The following BTBD9 variants were observed in gnomAD, a reference collection of about 807,000 sequenced individuals.
BTBD9 encodes BTB domain containing 9.
BTBD9 carries 49 observed loss-of-function variants against 64.3 expected under a neutral mutation model. That is an observed-to-expected ratio of 0.76 (90% CI 0.61 to 0.97). The LOEUF is 0.97. BTBD9 is among the 50% of genes least tolerant of loss of function. BTBD9 has a pLI of 0.00. For missense variants in BTBD9, 598 were observed against 762.1 expected (o/e 0.78, Z 2.53); for synonymous variants, 260 against 274.7 (o/e 0.95, Z 0.53).
chr6:38,441,614 ATT>A (rs1311233767), intron 6 of BTBD9, among the ~76,000 whole-genome samples: 1 of 151,910 alleles, frequency 6.6e-6, no homozygotes, highest in East Asian at 1.9e-4. Flanking sequence ...AACAGATCTC[ATT>A]TTGTTGCTCA....
At chr6:38,545,997 T>C (rs1241815886) in intron 6 of BTBD9, among the ~76,000 whole-genome samples, 1 of 151,768 alleles carries the variant, frequency 6.6e-6, no homozygotes, top group African/African-American at 2.4e-5. Flanking sequence ...GAGAAGGTGA[T>C]GGCTTGCATC....
At chr6:38,359,012 C>G (rs1020858978) in intron 6 of BTBD9, among the ~76,000 whole-genome samples, 1 of 151,694 alleles carries the variant, frequency 6.6e-6, no homozygotes, top group African/African-American at 2.4e-5. Flanking sequence ...ACCTCATGAT[C>G]CACCCGCCTC....
intron 10 of BTBD9, among the ~76,000 whole-genome samples, chr6:38,186,395 A>G (rs1241597441): frequency 6.6e-6 from 1 of 152,210 alleles, no homozygotes; most frequent in Non-Finnish European, 1.5e-5. Context: ...AGATGCTGAG[A>G]TATCTGGTGC....
intron 8 of BTBD9, among the ~76,000 whole-genome samples, chr6:38,266,204 CTCTT>C (rs1219809332): frequency 6.6e-6 from 1 of 152,174 alleles, no homozygotes; most frequent in Non-Finnish European, 1.5e-5. Flanking sequence ...ACTTGACAAA[CTCTT>C]TTTTTTCTTT....
chr6:38,574,510 A>C (rs139081259), intron 6 of BTBD9, among the ~76,000 whole-genome samples: 3 of 152,156 alleles, frequency 2.0e-5, no homozygotes, highest in Non-Finnish European at 4.4e-5. Context: ...ACCGTGACCA[A>C]CGAGGATGGC....
chr6:38,548,686 C>T (rs939519128), intron 6 of BTBD9, among the ~76,000 whole-genome samples: 2 of 152,088 alleles, frequency 1.3e-5, no homozygotes, highest in African/African-American at 2.4e-5. Flanking sequence ...AAACAGTGTA[C>T]TAAGATGTTT....
In BTBD9 at chr6:38,288,551, A is replaced by G. The variant is rs989291431; in HGVS notation, c.1265-90T>C. The stretch of plus-strand genomic sequence containing the variant: ...CTCAGAACAAAATTAATTAATTGCT[A>G]TCTCAAATCAATGATAAAAGAAAAA... On this transcript the variant is annotated intron_variant, in intron 7 of 10. Transcript: ENST00000481247. 7 of 995,508 alleles carry G rather than the reference A, an allele frequency of 7.0e-6. No homozygotes were observed. The African/African-American group carries it at 9.7e-5, about 14-fold the overall frequency. The allele number at this position is 995,508 out of a possible 1,614,324, so 61.7% of individuals were successfully genotyped here. A position where few individuals can be genotyped will look rare whatever the true frequency, so the allele number is the denominator to read the frequency against.
intron 1 of BTBD9, among the ~76,000 whole-genome samples, chr6:38,614,301 G>A (rs1295598020): frequency 1.3e-5 from 2 of 151,992 alleles, no homozygotes; most frequent in East Asian, 1.9e-4. Flanking sequence ...ATTTTGTTAC[G>A]GACCTGTCTT....
intron 1 of BTBD9, among the ~76,000 whole-genome samples, chr6:38,603,585 A>C (rs1251830866): frequency 2.0e-5 from 3 of 152,230 alleles, no homozygotes; most frequent in Non-Finnish European, 2.9e-5. Context: ...TACAAACTTT[A>C]ACCAGAGCTA....
chr6:38,379,735 G>A (rs1765847567), intron 6 of BTBD9, among the ~76,000 whole-genome samples: 1 of 152,120 alleles, frequency 6.6e-6, no homozygotes, highest in African/African-American at 2.4e-5. Flanking sequence ...CAAACAAGAA[G>A]GGAAACAATC....
At chr6:38,354,017 G>T (rs1764623811) in intron 6 of BTBD9, among the ~76,000 whole-genome samples, 1 of 151,998 alleles carries the variant, frequency 6.6e-6, no homozygotes, top group African/African-American at 2.4e-5. Context: ...TTCTTTTAGA[G>T]TAGAGAGTTA....
At chr6:38,435,957 C>G (rs1345242473) in intron 6 of BTBD9, among the ~76,000 whole-genome samples, 2 of 151,648 alleles carry the variant, frequency 1.3e-5, no homozygotes, top group African/African-American at 4.9e-5. Context: ...GTATGAGCCA[C>G]CTCACCCAGC....
chr6:38,263,897 G>A (rs1764878351), intron 8 of BTBD9, among the ~76,000 whole-genome samples: 1 of 152,194 alleles, frequency 6.6e-6, no homozygotes, highest in Non-Finnish European at 1.5e-5. Context: ...CTGGTGGAGT[G>A]CACTGGACAG....
chr6:38,187,562 TG>T (rs1761871766), intron 10 of BTBD9, among the ~76,000 whole-genome samples: 2 of 152,058 alleles, frequency 1.3e-5, no homozygotes, highest in Admixed American at 1.3e-4. Context: ...ACGTGAGCAC[TG>T]GGCCAAGCAC....
chr6:38,480,263 G>C (rs915388532), intron 6 of BTBD9, among the ~76,000 whole-genome samples: 1 of 152,126 alleles, frequency 6.6e-6, no homozygotes, highest in Non-Finnish European at 1.5e-5. Flanking sequence ...TAAATACGGG[G>C]AGCAATGCAC....
intron 9 of BTBD9, among the ~76,000 whole-genome samples, chr6:38,218,987 T>C (rs1763101890): frequency 6.6e-6 from 1 of 152,182 alleles, no homozygotes; most frequent in Admixed American, 6.5e-5. Context: ...TTGGTGATAC[T>C]GACAGTTACT....
chr6:38,185,961 T>G (rs1761796604), intron 10 of BTBD9, among the ~76,000 whole-genome samples: 2 of 152,184 alleles, frequency 1.3e-5, no homozygotes, highest in Admixed American at 1.3e-4. Context: ...TCCCGTTGGG[T>G]ACAGGATGAA....
intron 8 of BTBD9, among the ~76,000 whole-genome samples, chr6:38,275,428 A>G (rs982242357): frequency 1.3e-5 from 2 of 152,142 alleles, no homozygotes; most frequent in Admixed American, 6.5e-5. Flanking sequence ...CATTCAGGAC[A>G]TAGGCATGGT....
At chr6:38,509,524 C>CT (rs1454085425) in intron 6 of BTBD9, among the ~76,000 whole-genome samples, 2 of 152,160 alleles carry the variant, frequency 1.3e-5, no homozygotes, top group Admixed American at 1.3e-4. Flanking sequence ...AGCATCTGTA[C>CT]TTTCTCAAAA....
Sources: gnomAD v4.1 joint callset for allele counts (sites outside exome capture counted in the v4.1 genomes callset) on GRCh38, gnomAD v4.1.1 for gene constraint, MANE v1.5 for transcripts, NCBI Gene and HGNC (gene_info 2026-07-23, HGNC 2026-07-21) for gene names.